Variants in BACH2 observed in about 807,000 individuals in gnomAD.
BACH2 encodes transcription regulator protein BACH2.
BACH2 carries 5 observed loss-of-function variants against 61.8 expected under a neutral mutation model. That is an observed-to-expected ratio of 0.08 (90% confidence interval 0.04 to 0.17). BACH2 has a LOEUF of 0.17. Among genes scored for constraint, BACH2 ranks in the 10% least tolerant of loss-of-function variants. The pLI, the probability that BACH2 is intolerant of heterozygous loss-of-function variation, is 1.00. For synonymous variants in BACH2, 446 were observed against 440.1 expected, an observed-to-expected ratio of 1.01 and a Z score of -0.17; for missense variants, 824 against 1,091.1, an observed-to-expected ratio of 0.76 and a Z score of 3.45.
rs1002656018 is a variant in BACH2 at position 89,928,073 on chromosome 6, T to G, written c.*4335A>C. On this transcript the variant is annotated 3_prime_UTR_variant, in exon 9 of 9. Transcript: ENST00000257749. ...TTGCACTTCCAACACAGTCTTCAGT[T>G]TGGGGAAGAAACACTAACTCATGAT... The G allele has an allele frequency of 1.3e-5, 2 of 152,334 alleles. No homozygotes were observed. The highest frequency in any genetic ancestry group is 4.8e-5 in the African/African-American group (2 of 41,448). The allele number at this position is 152,334 out of a possible 1,614,324, so 9.4% of individuals were successfully genotyped here.
At chr6:90,067,072 T>C (rs771309947) in intron 5 of BACH2, among the ~76,000 whole-genome samples, 10 of 152,246 alleles carry the variant, frequency 6.6e-5, no homozygotes, top group Non-Finnish European at 1.0e-4. Context: ...ATGAATGGTA[T>C]AATCTGAGTG....
intron 4 of BACH2, among the ~76,000 whole-genome samples, chr6:90,167,732 T>C (rs566814205): frequency 6.6e-6 from 1 of 152,306 alleles, no homozygotes; most frequent in Non-Finnish European, 1.5e-5. Flanking sequence ...AAAGTACACA[T>C]TTCCCCAGCT....
chr6:90,231,972 T>TGA (rs952310643), intron 3 of BACH2, among the ~76,000 whole-genome samples: 2 of 151,680 alleles, frequency 1.3e-5, no homozygotes, highest in Non-Finnish European at 2.9e-5. Flanking sequence ...ATATTTGGTC[T>TGA]GAGAGAGAGA....
intron 1 of BACH2, among the ~76,000 whole-genome samples, chr6:90,293,056 T>C (rs1252775636): frequency 6.6e-6 from 1 of 152,166 alleles, no homozygotes; most frequent in Non-Finnish European, 1.5e-5. Context: ...CGAGGGGCCC[T>C]TTGTTCAAAA....
In BACH2 at chr6:90,136,855, T is replaced by A. The variant is rs1053438919; in HGVS notation, c.-161-47746A>T. The stretch of plus-strand genomic sequence containing the variant: ...TTTCTTTTCTTTCTTTTTTTTTTTT[T>A]AAATCCTACAAAGAAATAGGATACA... On this transcript the variant is annotated intron_variant, in intron 4 of 8. Transcript: ENST00000257749. Among the ~76,000 whole-genome samples the A allele has an allele frequency of 6.6e-5, 10 of 151,522 alleles. No individual in the cohort carries two copies. The South Asian group carries it at 1.0e-3, about 16-fold the overall frequency.
chr6:90,250,636 T>C (rs1205288137), intron 3 of BACH2, among the ~76,000 whole-genome samples: 1 of 152,146 alleles, frequency 6.6e-6, no homozygotes, highest in Admixed American at 6.5e-5. Flanking sequence ...CTGTGTTACG[T>C]CCACACAGCT....
Position 90,032,034 on chromosome 6 carries a change from T to C in BACH2, c.-12-23178A>G, listed in dbSNP as rs922715999. Among the ~76,000 whole-genome samples, 18 of 151,658 alleles carry C rather than the reference T, an allele frequency of 1.2e-4. No homozygotes were observed. In the East Asian group the frequency reaches 1.8e-3, roughly 15 times the overall value. On this transcript the variant is annotated intron_variant, in intron 5 of 8. Coordinates refer to ENST00000257749, the MANE Select transcript of BACH2 (RefSeq NM_021813.4). Reference sequence around the variant, plus strand: ...TATAGACCAATGGAACAGAACAGAGTCCTCAGAAATAATGCCGCATATCTA... The same window carrying C: ...TATAGACCAATGGAACAGAACAGAGCCCTCAGAAATAATGCCGCATATCTA...
At chr6:90,107,710 T>G (rs1782987465) in intron 4 of BACH2, among the ~76,000 whole-genome samples, 1 of 151,448 alleles carries the variant, frequency 6.6e-6, no homozygotes, top group African/African-American at 2.4e-5. Flanking sequence ...CAACTGCAGG[T>G]CTTGGCACTT....
chr6:90,011,204 C>A (rs917663017), intron 5 of BACH2, among the ~76,000 whole-genome samples: 2 of 152,102 alleles, frequency 1.3e-5, no homozygotes, highest in Non-Finnish European at 2.9e-5. Flanking sequence ...GTCTATGGCC[C>A]ATTTTGAGTT....
intron 3 of BACH2, among the ~76,000 whole-genome samples, chr6:90,225,665 C>T (rs1769888956): frequency 6.6e-6 from 1 of 152,094 alleles, no homozygotes; most frequent in African/African-American, 2.4e-5. Flanking sequence ...GCATTTGGGA[C>T]TTAATACCTA....
At chr6:89,996,109 T>C (rs776712121) in intron 6 of BACH2, among the ~76,000 whole-genome samples, 7 of 152,238 alleles carry the variant, frequency 4.6e-5, no homozygotes, top group Non-Finnish European at 7.3e-5. Flanking sequence ...TATCTGTCTA[T>C]ACCTTTGGCT....
chr6:90,035,670 G>T (rs1464089200), intron 5 of BACH2, among the ~76,000 whole-genome samples: 1 of 152,006 alleles, frequency 6.6e-6, no homozygotes, highest in East Asian at 1.9e-4. Flanking sequence ...TTGAATTCAA[G>T]ATTTCATTAC....
intron 3 of BACH2, among the ~76,000 whole-genome samples, chr6:90,213,428 C>T (rs972123260): frequency 1.3e-5 from 2 of 152,174 alleles, no homozygotes; most frequent in Non-Finnish European, 2.9e-5. Flanking sequence ...ATTCTTTGTT[C>T]CTGTAAACCT....
chr6:89,951,882 A>G lies in BACH2; in HGVS notation c.244-20T>C, dbSNP rs777189699. The stretch of plus-strand genomic sequence containing the variant: ...TGTGACCTGCAAAACAAACAGGGAA[A>G]TCGCCAACATTACCATCAGCACTGC... On this transcript the variant is annotated intron_variant, in intron 6 of 8. Coordinates refer to ENST00000257749, the MANE Select transcript of BACH2 (RefSeq NM_021813.4). The surrounding 1 kb of genome is among the most constrained non-coding windows in gnomAD (Gnocchi z 6.4). The G allele has an allele frequency of 1.9e-6, 3 of 1,601,418 alleles. No individual in the cohort carries two copies. Among genetic ancestry groups the G allele is most frequent in the Non-Finnish European group, 2.6e-6 (3 of 1,171,382 alleles).
chr6:90,277,138 C>T (rs1456545627), intron 1 of BACH2, among the ~76,000 whole-genome samples: 3 of 152,150 alleles, frequency 2.0e-5, no homozygotes, highest in Non-Finnish European at 4.4e-5. Context: ...ACACTGCTTT[C>T]CTGATTTAAC....
chr6:90,004,503 A>C (rs1015656603), intron 6 of BACH2, among the ~76,000 whole-genome samples: 2 of 152,154 alleles, frequency 1.3e-5, no homozygotes, highest in African/African-American at 4.8e-5. Context: ...CTTGGCAGTA[A>C]CCTTTTAACA....
intron 4 of BACH2, among the ~76,000 whole-genome samples, chr6:90,168,266 A>C (rs1767696724): frequency 6.6e-6 from 1 of 152,120 alleles, no homozygotes; most frequent in Non-Finnish European, 1.5e-5. Flanking sequence ...AGGCCAGAGG[A>C]CTGCTTGAGC....
At chr6:90,275,978 A>G (rs899811328) in intron 1 of BACH2, among the ~76,000 whole-genome samples, 2 of 152,156 alleles carry the variant, frequency 1.3e-5, no homozygotes, top group Non-Finnish European at 2.9e-5. Context: ...TAAAAAAAAA[A>G]AAAGAAAGAA....
intron 5 of BACH2, among the ~76,000 whole-genome samples, chr6:90,085,930 G>A (rs151199628): frequency 3.3e-5 from 5 of 152,030 alleles, no homozygotes; most frequent in South Asian, 2.1e-4. Flanking sequence ...ATTCATCTCC[G>A]GAACTCTCCA....
Sources: gnomAD v4.1 joint callset for allele counts (sites outside exome capture counted in the v4.1 genomes callset) on GRCh38, gnomAD v4.1.1 for gene constraint, Gnocchi (gnomAD v3.1) non-coding constraint, MANE v1.5 for transcripts, NCBI Gene and HGNC (gene_info 2026-07-23, HGNC 2026-07-21) for gene names.